Variants in MSS51 observed in about 807,000 individuals in gnomAD.
The protein encoded by MSS51 is MSS51 mitochondrial translational activator, also known as putative protein MSS51 homolog, mitochondrial.
A neutral mutation model predicts 40.2 loss-of-function variants in MSS51; 32 were observed. The observed-to-expected ratio is 0.80, with a 90% confidence interval of 0.60 to 1.07. MSS51 has a LOEUF of 1.07. Ranked by LOEUF, MSS51 falls within the 50% of genes least tolerant of loss-of-function variation. MSS51 has a pLI of 0.00. For missense variants in MSS51, 518 were observed against 568.9 expected (o/e 0.91, Z 0.91); for synonymous variants, 178 against 214.2 (o/e 0.83, Z 1.48).
At chr10:73,431,025 C>A (rs193255097) in intron 1 of MSS51, among the ~76,000 whole-genome samples, 2 of 152,130 alleles carry the variant, frequency 1.3e-5, no homozygotes, top group Non-Finnish European at 2.9e-5. Context: ...AAGCCAGACA[C>A]AAAATGTTGT....
At chr10:73,432,188 G>A (rs566859562) in intron 1 of MSS51, among the ~76,000 whole-genome samples, 9 of 152,094 alleles carry the variant, frequency 5.9e-5, no homozygotes, top group East Asian at 5.8e-4. Flanking sequence ...ACAGGCTCGC[G>A]CCACCATGCC....
intron 1 of MSS51, among the ~76,000 whole-genome samples, chr10:73,430,579 C>A (rs1252962719): frequency 6.6e-6 from 1 of 151,246 alleles, no homozygotes; most frequent in African/African-American, 2.4e-5. Flanking sequence ...TACTTCATAC[C>A]CACTAGTATG....
rs543839601 is a variant in MSS51, at chr10:73,427,928, T to A, written c.221+136A>T. 1.9e-5 allele frequency: 23 copies of A among 1,191,628 alleles called. No homozygotes were observed. The East Asian group carries it at 5.3e-4, about 28-fold the overall frequency. The allele number at this position is 1,191,628 out of a possible 1,614,324, so 73.8% of individuals were successfully genotyped here. On this transcript the variant is annotated intron_variant, in intron 2 of 6. Transcript: ENST00000299432. ...GAATGTTTCTTCTTTTATAGTAATA[T>A]AGTAACTGGCAAAAGGATGAGAAAA...
At position 73,423,781 on chromosome 10, in the gene MSS51, CT is replaced by C. The variant is rs2055961373; in HGVS notation, c.*771del. 3 of 152,346 alleles carry C rather than the reference CT, an allele frequency of 2.0e-5. No individual in the cohort carries two copies. The highest frequency in any genetic ancestry group is 7.2e-5 in the African/African-American group (3 of 41,584). The allele number at this position is 152,346 out of a possible 1,614,324, so 9.4% of individuals were successfully genotyped here. On this transcript the variant is annotated 3_prime_UTR_variant, in exon 7 of 7. Coordinates refer to ENST00000299432, the MANE Select transcript of MSS51 (RefSeq NM_001024593.2). Reference sequence around the variant, plus strand: ...CAGGAAACAGGACACTGTACCAATGCTTACAACCTCATCCATGTTCCCAATG... The same window carrying C: ...CAGGAAACAGGACACTGTACCAATGCTACAACCTCATCCATGTTCCCAATG...
At chr10:73,427,272 CTTTTTTTTTT>C (rs1163470061) in intron 3 of MSS51, among the ~76,000 whole-genome samples, 3 of 86,074 alleles carry the variant, frequency 3.5e-5, no homozygotes, top group African/African-American at 4.9e-5. Flanking sequence ...AAGGTCATTG[CTTTTTTTTTT>C]TTTTTTTTTT....
At position 73,430,767 on chromosome 10, in the gene MSS51, G is replaced by A. The variant is rs192286177; in HGVS notation, c.-17-2466C>T. On this transcript the variant is annotated intron_variant, in intron 1 of 6. Coordinates refer to ENST00000299432, the MANE Select transcript of MSS51 (RefSeq NM_001024593.2). ...ATATAACCAGAAATTTCATTCTTAG[G>A]TATGTGCCCAAAATATTTAAAAACA... Among the ~76,000 whole-genome samples, 7 of 152,142 alleles carry A rather than the reference G, an allele frequency of 4.6e-5. No individual in the cohort carries two copies. In the East Asian group the frequency reaches 1.3e-3, roughly 29 times the overall value.
rs2055992384 is a variant in MSS51, at chr10:73,426,742, G to A, written c.378-11C>T. On this transcript the variant is annotated splice_polypyrimidine_tract_variant and intron_variant, in intron 3 of 6. Coordinates refer to ENST00000299432, the MANE Select transcript of MSS51 (RefSeq NM_001024593.2). ...TAGACATTTCTGCACCTGAGAGAAT[G>A]AGAGAGAAATAGTTCTTATACTATA... is the stretch of plus-strand genomic sequence containing the variant. 1.2e-6 allele frequency: 2 copies of A among 1,613,606 alleles called. No homozygotes were observed. The highest frequency in any genetic ancestry group is 1.7e-6 in the Non-Finnish European group (2 of 1,179,790).
chr10:73,424,960 A>AG lies in MSS51; in HGVS notation c.1163+137dup, dbSNP rs1392769211. ...CATTAACTAGCAAAGGACTGTTCCAAGGGGATAAAAAAGCCATATGCGGAA... is the reference window on the plus strand; with the variant it reads ...CATTAACTAGCAAAGGACTGTTCCAAGGGGGATAAAAAAGCCATATGCGGAA... On this transcript the variant is annotated intron_variant, in intron 6 of 6. Transcript: ENST00000299432. The AG allele has an allele frequency of 3.6e-6, 3 of 825,150 alleles. No homozygotes were observed. In the East Asian group the frequency reaches 7.3e-5, roughly 20 times the overall value. 51.1% of individuals were successfully genotyped at this position (825,150 alleles called of 1,614,324 possible).
At chr10:73,426,543 A>G in intron 4 of MSS51, 64 bp downstream of exon 4, 1 of 1,609,500 alleles carries the variant, frequency 6.2e-7, no homozygotes, top group African/African-American at 1.3e-5. Flanking sequence ...ATGATTTTGT[A>G]TCTTCCTTTA....
At chr10:73,427,507 A>T in intron 3 of MSS51, 106 bp downstream of exon 3, 1 of 1,268,440 alleles carries the variant, frequency 7.9e-7, no homozygotes, top group Non-Finnish European at 1.1e-6. Flanking sequence ...CATGTGATCC[A>T]CCTGCCTCGG....
chr10:73,430,167 A>G (rs1043261049), intron 1 of MSS51, among the ~76,000 whole-genome samples: 2 of 152,218 alleles, frequency 1.3e-5, no homozygotes, highest in African/African-American at 2.4e-5. Flanking sequence ...ATAAAAGTCT[A>G]TGGGGAAAGG....
At chr10:73,429,974 T>C (rs925307671) in intron 1 of MSS51, among the ~76,000 whole-genome samples, 10 of 152,094 alleles carry the variant, frequency 6.6e-5, no homozygotes, top group Non-Finnish European at 1.5e-5. Context: ...AGGTGGCAGT[T>C]GGAATAGACC....
At chr10:73,428,631 A>T (rs2056007331) in intron 1 of MSS51, among the ~76,000 whole-genome samples, 1 of 151,842 alleles carries the variant, frequency 6.6e-6, no homozygotes, top group East Asian at 2.0e-4. Flanking sequence ...GACTACGGGC[A>T]GGCGCCACCA....
chr10:73,429,738 G>A, intron 1 of MSS51: 1 of 455,252 alleles, frequency 2.2e-6, no homozygotes, highest in South Asian at 1.6e-5. Context: ...GTCCATTCAT[G>A]TAATATATAT....
intron 1 of MSS51, chr10:73,429,771 A>G: frequency 2.3e-6 from 1 of 443,870 alleles, no homozygotes; most frequent in Non-Finnish European, 4.5e-6. Flanking sequence ...AGATGAAATC[A>G]TTTGCGAAAC....
chr10:73,427,067 C>T (rs569289327), intron 3 of MSS51, among the ~76,000 whole-genome samples: 1 of 151,530 alleles, frequency 6.6e-6, no homozygotes, highest in Non-Finnish European at 1.5e-5. Context: ...TGTAGTCTTA[C>T]TCCTTGAGTA....
chr10:73,431,565 G>C (rs1041352546), intron 1 of MSS51, among the ~76,000 whole-genome samples: 9 of 152,238 alleles, frequency 5.9e-5, no homozygotes, highest in Admixed American at 1.3e-4. Flanking sequence ...TAAACAAAAA[G>C]CTCCCAGAAT....
At position 73,423,687 on chromosome 10, in the gene MSS51, C is replaced by A. The variant is rs2055960596; in HGVS notation, c.*866G>T. 6.6e-6 allele frequency: 1 copy of A among 152,078 alleles called. No individual in the cohort carries two copies. The highest frequency in any genetic ancestry group is 2.4e-5 in the African/African-American group (1 of 41,392). 9.4% of individuals were successfully genotyped at this position (152,078 alleles called of 1,614,324 possible). On this transcript the variant is annotated 3_prime_UTR_variant, in exon 7 of 7. Transcript: ENST00000299432. ...AGCTTGGGATATCTAAAATATAACACCAGGGCTACTCTAGGGTCAAAAGTC... is the reference window on the plus strand; with the variant it reads ...AGCTTGGGATATCTAAAATATAACAACAGGGCTACTCTAGGGTCAAAAGTC...
Position 73,426,588 on chromosome 10 carries a change from C to T in MSS51, c.502+19G>A. The T allele has an allele frequency of 6.2e-7, 1 of 1,613,794 alleles. No individual in the cohort carries two copies. Among genetic ancestry groups the T allele is most frequent in the Non-Finnish European group, 8.5e-7 (1 of 1,179,932 alleles). The stretch of plus-strand genomic sequence containing the variant: ...AACTATGACCATTATGGCAGAGATC[C>T]TCAACACCACCACTCCACCTGTGAC... On this transcript the variant is annotated intron_variant, in intron 4 of 6. Transcript: ENST00000299432.
Sources: allele counts gnomAD v4.1 joint callset (sites outside exome capture counted in the v4.1 genomes callset), GRCh38; gene constraint gnomAD v4.1.1; transcripts MANE v1.5; gene names NCBI Gene and HGNC (gene_info 2026-07-23, HGNC 2026-07-21).